Variants in ITGA9 observed in about 807,000 individuals in gnomAD.
The protein encoded by ITGA9 is integrin alpha-9.
In ITGA9, 56 loss-of-function variants were observed where a neutral mutation model predicts 127.8. The ratio of observed to expected loss-of-function variants is 0.44; its 90% CI spans 0.35 to 0.55. ITGA9 has a LOEUF of 0.55. Ranked by LOEUF, ITGA9 falls within the 20% of genes least tolerant of loss-of-function variation. ITGA9 has a pLI of 0.00. For missense variants in ITGA9, 1,196 were observed against 1,347.1 expected (o/e 0.89, Z 1.76); for synonymous variants, 508 against 514.5 (o/e 0.99, Z 0.17).
intron 12 of ITGA9, among the ~76,000 whole-genome samples, chr3:37,525,145 G>A (rs1699081290): frequency 6.6e-6 from 1 of 152,168 alleles, no homozygotes; most frequent in Non-Finnish European, 1.5e-5. Context: ...TGGCCGGGTT[G>A]GGGTGGTAGG....
rs1700214745 is a variant in ITGA9 at position 37,629,924 on chromosome 3, C to T, written c.1839+588C>T. ...GCCTGTGCCTGATTTTGTGCAGCAG[C>T]GCTGGCCAGCTCTGAGGCGTGCAGC... On this transcript the variant is annotated intron_variant, in intron 16 of 27. Transcript: ENST00000264741. The surrounding 1 kb of genome is among the most constrained non-coding windows in gnomAD (Gnocchi z 4.5). Among the ~76,000 whole-genome samples the T allele has an allele frequency of 2.6e-5, 4 of 152,172 alleles. No individual in the cohort carries two copies. The highest frequency in any genetic ancestry group is 2.1e-4 in the South Asian group (1 of 4,826).
intron 18 of ITGA9, among the ~76,000 whole-genome samples, chr3:37,693,382 C>G (rs1471584762): frequency 6.6e-6 from 1 of 152,128 alleles, no homozygotes; most frequent in Admixed American, 6.5e-5. Context: ...CAGTAAAGCA[C>G]CAGGTCAACT....
At chr3:37,500,843 G>T (rs1698780307) in intron 5 of ITGA9, among the ~76,000 whole-genome samples, 1 of 152,202 alleles carries the variant, frequency 6.6e-6, no homozygotes, top group Non-Finnish European at 1.5e-5. Context: ...TCAGGGGAAG[G>T]TCAGGTGGGT....
At chr3:37,542,685 C>T in intron 15 of ITGA9, 100 bp downstream of exon 15, 1 of 1,276,588 alleles carries the variant, frequency 7.8e-7, no homozygotes, top group South Asian at 1.3e-5. Flanking sequence ...GTGTGCTCTT[C>T]CAAAATTTTA....
chr3:37,662,218 A>G (rs186028610), intron 17 of ITGA9, among the ~76,000 whole-genome samples: 8 of 152,164 alleles, frequency 5.3e-5, no homozygotes, highest in Admixed American at 5.2e-4. Context: ...CCTGGGCAAC[A>G]TGTCAAAACT....
intron 26 of ITGA9, among the ~76,000 whole-genome samples, chr3:37,788,932 A>G (rs1697072363): frequency 6.6e-6 from 1 of 152,236 alleles, no homozygotes; most frequent in Non-Finnish European, 1.5e-5. Context: ...TTGTCAAAGC[A>G]GAAATGCCCA....
chr3:37,662,738 C>T (rs1436009178), intron 17 of ITGA9, among the ~76,000 whole-genome samples: 2 of 152,206 alleles, frequency 1.3e-5, no homozygotes, highest in African/African-American at 4.8e-5. Context: ...GTCTTTAGAA[C>T]TTAGCTCTCC....
chr3:37,758,018 G>T (rs535322373), intron 23 of ITGA9, among the ~76,000 whole-genome samples: 1 of 151,850 alleles, frequency 6.6e-6, no homozygotes, highest in South Asian at 2.1e-4. Context: ...AGATACAAAA[G>T]TTCTAAATAA....
chr3:37,453,319 C>T (rs1480712817), intron 1 of ITGA9, among the ~76,000 whole-genome samples: 1 of 152,170 alleles, frequency 6.6e-6, no homozygotes, highest in Non-Finnish European at 1.5e-5. Flanking sequence ...AAGAGAGAGA[C>T]GTGTTTCTAT....
Position 37,542,550 on chromosome 3 carries a change from G to A in ITGA9, c.1654G>A (p.Glu552Lys), listed in dbSNP as rs978135492. 20 of 1,614,186 alleles carry A rather than the reference G, an allele frequency of 1.2e-5. No homozygotes were observed. The highest frequency in any genetic ancestry group is 1.7e-5 in the Non-Finnish European group (20 of 1,180,036). ...AGAGAAGCTGCAGCTGACTTACATG[G>A]AGGAGACGTGTCGTCACTATGTGGC... ...VTEKLQLTYM[E>K]ETCRHYVAHV... The change falls in exon 15 of 28, where the codon GAG (glutamate) becomes AAG (lysine). Residue 552 changes from glutamate to lysine, a missense_variant. By Grantham distance (56) the Glu-to-Lys change is moderately conservative. Transcript: ENST00000264741.
At chr3:37,569,492 A>G (rs1172715034) in intron 15 of ITGA9, among the ~76,000 whole-genome samples, 2 of 152,164 alleles carry the variant, frequency 1.3e-5, no homozygotes, top group Non-Finnish European at 2.9e-5. Flanking sequence ...TGTGTAAAGG[A>G]GATATTGATA....
intron 17 of ITGA9, among the ~76,000 whole-genome samples, chr3:37,662,149 C>G (rs1700542537): frequency 6.6e-6 from 1 of 152,126 alleles, no homozygotes; most frequent in Admixed American, 6.5e-5. Context: ...TGCCTGTAAT[C>G]CCAGCACTTT....
Position 37,717,680 on chromosome 3 carries a change from T to G in ITGA9, c.2068-15032T>G, listed in dbSNP as rs77656688. On this transcript the variant is annotated intron_variant, in intron 18 of 27. Transcript: ENST00000264741. ...ACAATAAGGGGAAAATCCACCTCCA[T>G]GATCCAGTCACCTTCCACCAGATCC... Among the ~76,000 whole-genome samples, 1,132 of 152,280 alleles carry G rather than the reference T, an allele frequency of 7.4e-3. 13 individuals are homozygous for G. The highest frequency in any genetic ancestry group is 0.027 in the Middle Eastern group (8 of 294).
At chr3:37,775,134 G>A (rs1412776132) in intron 23 of ITGA9, among the ~76,000 whole-genome samples, 4 of 152,112 alleles carry the variant, frequency 2.6e-5, no homozygotes, top group African/African-American at 9.7e-5. Context: ...ATCTGACGAA[G>A]GTCTGATCTC....
At position 37,473,447 on chromosome 3, in the gene ITGA9, A is replaced by G. The variant is rs1425673929; in HGVS notation, c.407A>G (p.Asp136Gly). The G allele has an allele frequency of 6.2e-7, 1 of 1,613,414 alleles. No homozygotes were observed. The highest frequency in any genetic ancestry group is 8.5e-7 in the Non-Finnish European group (1 of 1,179,552). ...GVSLARQPKADGRVLACAHRW... is the reference protein window; with the variant it reads ...GVSLARQPKAGGRVLACAHRW... Reference sequence around the variant, plus strand: ...AGCCTGGCCCGACAGCCCAAGGCTGATGGCCGTGTGTTGGTAAGTCCCTCC... The same window carrying G: ...AGCCTGGCCCGACAGCCCAAGGCTGGTGGCCGTGTGTTGGTAAGTCCCTCC... The change falls in exon 3 of 28, where the codon GAT becomes GGT. Residue 136 changes from aspartate (D) to glycine (G), a missense_variant. Asp to Gly is a moderately conservative substitution (Grantham distance 94, BLOSUM62 -1). Transcript: ENST00000264741.
rs766476177 is a variant in ITGA9, at chr3:37,513,920, A to G, written c.1035+20A>G. On this transcript the variant is annotated intron_variant, in intron 9 of 27. Coordinates refer to ENST00000264741, the MANE Select transcript of ITGA9 (RefSeq NM_002207.3). ...GGAAATGTGAGTACAATACTGGGCA[A>G]TGTGCGGATGGGTGTGGGGGAGGGA... is the stretch of plus-strand genomic sequence containing the variant. 11 of 1,612,268 alleles carry G rather than the reference A, an allele frequency of 6.8e-6. No homozygotes were observed. The East Asian group carries it at 1.1e-4, about 16-fold the overall frequency.
intron 18 of ITGA9, among the ~76,000 whole-genome samples, chr3:37,727,782 T>C (rs1364006830): frequency 6.6e-6 from 1 of 152,230 alleles, no homozygotes; most frequent in African/African-American, 2.4e-5. Context: ...TCTAAGGGCT[T>C]CTCTTGATCT....
chr3:37,540,066 T>C (rs1699250212), intron 14 of ITGA9, among the ~76,000 whole-genome samples: 1 of 152,170 alleles, frequency 6.6e-6, no homozygotes, highest in Non-Finnish European at 1.5e-5. Flanking sequence ...GCCAAGAGGA[T>C]ATGGGTGGGG....
chr3:37,570,657 A>G (rs995099602), intron 15 of ITGA9, among the ~76,000 whole-genome samples: 8 of 152,228 alleles, frequency 5.3e-5, no homozygotes, highest in Non-Finnish European at 8.8e-5. Context: ...GCAAACTTTG[A>G]CATGTGAGAG....
Sources: gnomAD v4.1 joint callset for allele counts (sites outside exome capture counted in the v4.1 genomes callset) on GRCh38, gnomAD v4.1.1 for gene constraint, Gnocchi (gnomAD v3.1) non-coding constraint, MANE v1.5 for transcripts, NCBI Gene and HGNC (gene_info 2026-07-23, HGNC 2026-07-21) for gene names.